ANKRD11: variants seen among roughly 807,000 people sequenced by gnomAD.
ANKRD11 encodes the protein ankyrin repeat domain-containing protein 11.
Under a neutral mutation model 195.7 loss-of-function variants are expected in ANKRD11, and 17 were observed. The ratio of observed to expected loss-of-function variants is 0.09; its 90% CI spans 0.06 to 0.13. The LOEUF (loss-of-function observed/expected upper bound fraction) is 0.13. Among genes scored for constraint, ANKRD11 ranks in the 10% least tolerant of loss-of-function variants. The pLI, the probability that ANKRD11 is intolerant of heterozygous loss-of-function variation, is 1.00. For synonymous variants in ANKRD11, 1,953 were observed against 1,528.1 expected, an observed-to-expected ratio of 1.28 and a Z score of -6.49; for missense variants, 3,735 against 3,566.1, an observed-to-expected ratio of 1.05 and a Z score of -1.21.
At chr16:89,405,024 C>T (rs2041849595) in intron 2 of ANKRD11, among the ~76,000 whole-genome samples, 1 of 152,114 alleles carries the variant, frequency 6.6e-6, no homozygotes, top group Non-Finnish European at 1.5e-5. Context: ...CTTCTCCTCT[C>T]CCATCCCACC....
chr16:89,417,384 G>A (rs909899721), intron 2 of ANKRD11, among the ~76,000 whole-genome samples: 4 of 152,192 alleles, frequency 2.6e-5, no homozygotes, highest in Admixed American at 2.6e-4. Context: ...CTCTTCAACT[G>A]CTGTCAATCC....
At chr16:89,490,118 A>AC (rs1222152775) in intron 1 of ANKRD11, 127 bp downstream of exon 1, 1 of 36,060 alleles carries the variant, frequency 2.8e-5, no homozygotes, top group Non-Finnish European at 6.1e-5. Context: ...CCCGGCCCCG[A>AC]CCCCCCAGGC....
Position 89,281,202 on chromosome 16 carries a change from G to C in ANKRD11, c.5340C>G (p.Ala1780=), listed in dbSNP as rs2034206297. 1 of 1,614,224 alleles carries C rather than the reference G, an allele frequency of 6.2e-7. No individual in the cohort carries two copies. The highest frequency in any genetic ancestry group is 8.5e-7 in the Non-Finnish European group (1 of 1,180,044). The change falls in exon 9 of 13, where the codon GCC becomes GCG. Residue 1780 remains alanine (A), a synonymous_variant. Transcript: ENST00000301030. This position sits in a 1 kb window ranked among gnomAD's most constrained non-coding sequence, Gnocchi z 5.5. ...GGTAAAGGTTTGTGGAGAGAGGCCT[G>C]GCAGGAGCCTGGCTGGCGTTTTCCG... ...GLSENASQAP[A]RPLSTNLYRS...
intron 9 of ANKRD11, chr16:89,277,683 A>C (rs1405235528): frequency 2.0e-5 from 3 of 152,270 alleles, no homozygotes; most frequent in Non-Finnish European, 4.4e-5. Flanking sequence ...GAAGGGAAAG[A>C]CCGCAGAGGT....
intron 1 of ANKRD11, among the ~76,000 whole-genome samples, chr16:89,453,168 G>T (rs1255324150): frequency 6.6e-6 from 1 of 152,172 alleles, no homozygotes; most frequent in Middle Eastern, 3.4e-3. Flanking sequence ...AAATATCTTG[G>T]CTCCTTTTTG....
chr16:89,395,786 A>G (rs1263294003), intron 2 of ANKRD11: 1 of 152,216 alleles, frequency 6.6e-6, no homozygotes, highest in Non-Finnish European at 1.5e-5. Flanking sequence ...CCTGCTTAAT[A>G]ACAATGCCTT....
chr16:89,379,368 G>A (rs1015105565), intron 2 of ANKRD11, among the ~76,000 whole-genome samples: 1 of 152,156 alleles, frequency 6.6e-6, no homozygotes, highest in Non-Finnish European at 1.5e-5. Context: ...ACCAGTGAAC[G>A]GGGCTTTCAT....
intron 2 of ANKRD11, among the ~76,000 whole-genome samples, chr16:89,413,620 C>CA (rs1180722608): frequency 1.3e-5 from 2 of 151,600 alleles, no homozygotes; most frequent in Admixed American, 6.6e-5. Flanking sequence ...CAGACTGTCT[C>CA]AAAAAAAGAA....
At chr16:89,403,174 C>G (rs1021232114) in intron 2 of ANKRD11, among the ~76,000 whole-genome samples, 1 of 152,202 alleles carries the variant, frequency 6.6e-6, no homozygotes, top group Non-Finnish European at 1.5e-5. Context: ...TTCCTGTTGG[C>G]AGGTGGACCC....
intron 2 of ANKRD11, among the ~76,000 whole-genome samples, chr16:89,339,347 T>A (rs1567670491): frequency 6.6e-6 from 1 of 152,000 alleles, no homozygotes; most frequent in Non-Finnish European, 1.5e-5. Flanking sequence ...GCTTGAAGGC[T>A]TACACTAGCA....
chr16:89,324,184 TG>T, intron 2 of ANKRD11: 1 of 1,155,270 alleles, frequency 8.7e-7, no homozygotes, highest in Non-Finnish European at 1.1e-6. Context: ...CGGCGGGGGG[TG>T]GCAGCACCGA....
At position 89,403,049 on chromosome 16, in the gene ANKRD11, A is replaced by C. The variant is rs139367413; in HGVS notation, c.-60+15235T>G. 8.9e-3 allele frequency among the ~76,000 whole-genome samples: 1,359 copies of C among 152,258 alleles called. 30 individuals carry two copies. The highest frequency in any genetic ancestry group is 0.031 in the African/African-American group (1,288 of 41,560). ...GCTCCACATGGGCACTGCCTCGCTCAACTGCGTGGTGGCGGGTGGCCTGGA... is the reference window on the plus strand; with the variant it reads ...GCTCCACATGGGCACTGCCTCGCTCCACTGCGTGGTGGCGGGTGGCCTGGA... On this transcript the variant is annotated intron_variant, in intron 2 of 12. Coordinates refer to ENST00000301030, the MANE Select transcript of ANKRD11 (RefSeq NM_013275.6).
At chr16:89,405,488 CTCA>C (rs1251174921) in intron 2 of ANKRD11, among the ~76,000 whole-genome samples, 2 of 147,506 alleles carry the variant, frequency 1.4e-5, no homozygotes, top group African/African-American at 5.1e-5. Context: ...CCACACCTGG[CTCA>C]TTTTTTTTTT....
intron 1 of ANKRD11, among the ~76,000 whole-genome samples, chr16:89,444,309 T>C (rs2043679167): frequency 6.6e-6 from 1 of 152,158 alleles, no homozygotes; most frequent in African/African-American, 2.4e-5. Context: ...ACTCTAGCAA[T>C]GCTTCCTCCC....
intron 2 of ANKRD11, among the ~76,000 whole-genome samples, chr16:89,364,679 C>A (rs1317639614): frequency 6.6e-6 from 1 of 152,210 alleles, no homozygotes; most frequent in East Asian, 1.9e-4. Flanking sequence ...AATCTCATAA[C>A]GTTTACAAAT....
chr16:89,355,128 C>T (rs3114884), intron 2 of ANKRD11, among the ~76,000 whole-genome samples: 1 of 152,166 alleles, frequency 6.6e-6, no homozygotes, highest in African/African-American at 2.4e-5. Context: ...TGTGGTCTCC[C>T]GTCTGGCCAA....
intron 1 of ANKRD11, chr16:89,458,982 T>C (rs2056555360): frequency 6.6e-6 from 1 of 152,522 alleles, no homozygotes; most frequent in Non-Finnish European, 1.5e-5. Context: ...TTCTCTGTGA[T>C]GAAAGAACCC....
chr16:89,278,919 G>T, intron 9 of ANKRD11, 153 bp downstream of exon 9: 1 of 1,284,634 alleles, frequency 7.8e-7, no homozygotes, highest in Non-Finnish European at 1.1e-6. Flanking sequence ...TGCCTCCACA[G>T]CAGAAGTGGG....
At chr16:89,477,761 C>T (rs1022009831) in intron 1 of ANKRD11, among the ~76,000 whole-genome samples, 1 of 151,814 alleles carries the variant, frequency 6.6e-6, no homozygotes. Flanking sequence ...CACCTGAGGT[C>T]AGGAGTTCAA....
Sources: allele counts gnomAD v4.1 joint callset (sites outside exome capture counted in the v4.1 genomes callset), GRCh38; gene constraint gnomAD v4.1.1; non-coding constraint Gnocchi (gnomAD v3.1); transcripts MANE v1.5; gene names NCBI Gene and HGNC (gene_info 2026-07-23, HGNC 2026-07-21).